The following SPOCK1 variants were observed in gnomAD, a reference collection of about 807,000 sequenced individuals.
SPOCK1 encodes the protein testican-1.
In SPOCK1, 23 loss-of-function variants were observed where a neutral mutation model predicts 55.3. That is an observed-to-expected ratio of 0.42 (90% confidence interval 0.30 to 0.59). The LOEUF (loss-of-function observed/expected upper bound fraction) is 0.59, where lower values mean the gene tolerates loss of function less well. Ranked by LOEUF, SPOCK1 falls within the 20% of genes least tolerant of loss-of-function variation. The pLI is 0.22. For missense variants in SPOCK1, 499 were observed against 552.5 expected, an observed-to-expected ratio of 0.90 and a Z score of 0.97; for synonymous variants, 226 against 221.0, an observed-to-expected ratio of 1.02 and a Z score of -0.20.
intron 2 of SPOCK1, among the ~76,000 whole-genome samples, chr5:137,289,218 A>G (rs1289354400): frequency 6.6e-6 from 1 of 152,246 alleles, no homozygotes; most frequent in Non-Finnish European, 1.5e-5. Flanking sequence ...ATTATAAGTA[A>G]TACTCTTGTT....
intron 3 of SPOCK1, among the ~76,000 whole-genome samples, chr5:137,164,823 C>T (rs1343231152): frequency 6.6e-6 from 1 of 152,134 alleles, no homozygotes; most frequent in African/African-American, 2.4e-5. Context: ...TGGGGTGAGG[C>T]TGTTCTACCT....
At chr5:137,180,213 C>T (rs866536927) in intron 3 of SPOCK1, among the ~76,000 whole-genome samples, 2 of 152,170 alleles carry the variant, frequency 1.3e-5, no homozygotes, top group Non-Finnish European at 2.9e-5. Flanking sequence ...ACCAGGCACA[C>T]AGCACATGCA....
intron 2 of SPOCK1, among the ~76,000 whole-genome samples, chr5:137,459,154 T>G (rs1220969950): frequency 6.6e-6 from 1 of 152,192 alleles, no homozygotes; most frequent in African/African-American, 2.4e-5. Context: ...ACTGAGTGGG[T>G]GAGGATGTAC....
chr5:137,062,518 G>A (rs1318219575), intron 6 of SPOCK1, among the ~76,000 whole-genome samples: 2 of 119,940 alleles, frequency 1.7e-5, no homozygotes, highest in Non-Finnish European at 3.5e-5. Flanking sequence ...AGATTTTCAA[G>A]CATTATAAAT....
At chr5:137,378,109 T>A (rs1580893719) in intron 2 of SPOCK1, among the ~76,000 whole-genome samples, 1 of 152,212 alleles carries the variant, frequency 6.6e-6, no homozygotes, top group East Asian at 1.9e-4. Context: ...CACATCCGGC[T>A]ACTTTTGTAT....
At chr5:137,202,085 A>G (rs1436029682) in intron 3 of SPOCK1, among the ~76,000 whole-genome samples, 1 of 152,198 alleles carries the variant, frequency 6.6e-6, no homozygotes, top group East Asian at 1.9e-4. Context: ...CAACCATCTG[A>G]GCAGAGCATG....
intron 2 of SPOCK1, among the ~76,000 whole-genome samples, chr5:137,356,832 TATATATAGAGAGAGAG>T (rs1322210813): frequency 6.9e-4 from 7 of 10,166 alleles, no homozygotes; most frequent in Non-Finnish European, 1.4e-3. Flanking sequence ...TATATATATA[TATATATAGAGAGAGAG>T]AGAGAGAGAG....
At chr5:137,378,963 C>T (rs954699484) in intron 2 of SPOCK1, among the ~76,000 whole-genome samples, 10 of 152,122 alleles carry the variant, frequency 6.6e-5, no homozygotes, top group Non-Finnish European at 1.5e-5. Context: ...GAGCCACTTC[C>T]CAGGGCTCCA....
At chr5:137,315,834 A>G (rs1757871190) in intron 2 of SPOCK1, among the ~76,000 whole-genome samples, 1 of 152,136 alleles carries the variant, frequency 6.6e-6, no homozygotes, top group Non-Finnish European at 1.5e-5. Context: ...GTGCCTATGA[A>G]TCCCCAGGAG....
intron 2 of SPOCK1, among the ~76,000 whole-genome samples, chr5:137,331,717 C>A (rs1310270798): frequency 6.6e-6 from 1 of 152,102 alleles, no homozygotes; most frequent in Non-Finnish European, 1.5e-5. Context: ...AGAACTCACT[C>A]ATCACCGAGG....
At chr5:137,001,620 C>A (rs1004163021) in intron 6 of SPOCK1, among the ~76,000 whole-genome samples, 5 of 152,220 alleles carry the variant, frequency 3.3e-5, no homozygotes, top group African/African-American at 1.2e-4. Flanking sequence ...GCTCTCACAA[C>A]CCTCAGTGTA....
At chr5:137,073,588 C>T (rs1278016713) in intron 5 of SPOCK1, among the ~76,000 whole-genome samples, 1 of 152,098 alleles carries the variant, frequency 6.6e-6, no homozygotes, top group South Asian at 2.1e-4. Flanking sequence ...GGTACACACA[C>T]ATTTCTATGA....
At chr5:137,367,257 T>C (rs576804160) in intron 2 of SPOCK1, among the ~76,000 whole-genome samples, 5 of 152,272 alleles carry the variant, frequency 3.3e-5, no homozygotes, top group East Asian at 3.9e-4. Flanking sequence ...ACAAAATGCA[T>C]GATTGACAAG....
Position 137,294,368 on chromosome 5 carries a change from T to A in SPOCK1, c.187-27313A>T, listed in dbSNP as rs371784407. The stretch of plus-strand genomic sequence containing the variant: ...TTATAAGTCTCTCAAAAACCCTGTA[T>A]TAGTTACGTTTTATAGGTGAAGAGA... On this transcript the variant is annotated intron_variant, in intron 2 of 10. Transcript: ENST00000394945. Among the ~76,000 whole-genome samples, 39 of 152,302 alleles carry A rather than the reference T, an allele frequency of 2.6e-4. No homozygotes were observed. In the East Asian group the frequency reaches 4.2e-3, roughly 17 times the overall value.
intron 6 of SPOCK1, among the ~76,000 whole-genome samples, chr5:137,037,541 T>C (rs1235746692): frequency 6.6e-6 from 1 of 152,138 alleles, no homozygotes; most frequent in Non-Finnish European, 1.5e-5. Flanking sequence ...GCTGCTATAA[T>C]AAATGCCTAA....
At chr5:137,295,442 G>A (rs866132404) in intron 2 of SPOCK1, among the ~76,000 whole-genome samples, 6 of 152,186 alleles carry the variant, frequency 3.9e-5, no homozygotes, top group African/African-American at 4.8e-5. Flanking sequence ...GCATGTCTAT[G>A]TTTCATCAAA....
intron 6 of SPOCK1, among the ~76,000 whole-genome samples, chr5:137,054,923 G>A (rs915983594): frequency 3.3e-5 from 5 of 152,118 alleles, no homozygotes; most frequent in African/African-American, 1.2e-4. Context: ...TACAGTGCCA[G>A]TACATAAGGT....
intron 6 of SPOCK1, among the ~76,000 whole-genome samples, chr5:137,011,362 G>A (rs1751345014): frequency 1.3e-5 from 2 of 152,108 alleles, no homozygotes; most frequent in South Asian, 2.1e-4. Context: ...TTAATTTTAG[G>A]TGGTATTACG....
At chr5:137,190,531 A>G (rs1315591711) in intron 3 of SPOCK1, among the ~76,000 whole-genome samples, 1 of 152,196 alleles carries the variant, frequency 6.6e-6, no homozygotes, top group Non-Finnish European at 1.5e-5. Flanking sequence ...TAGTGTAAAT[A>G]TAACTTTTAT....
Sources: gnomAD v4.1 joint callset for allele counts (sites outside exome capture counted in the v4.1 genomes callset) on GRCh38, gnomAD v4.1.1 for gene constraint, MANE v1.5 for transcripts, NCBI Gene and HGNC (gene_info 2026-07-23, HGNC 2026-07-21) for gene names.